Variants in DZIP3 observed in about 807,000 individuals in gnomAD.
The protein encoded by DZIP3 is DAZ interacting zinc finger protein 3.
A neutral mutation model predicts 162.0 loss-of-function variants in DZIP3; 118 were observed. That is an observed-to-expected ratio of 0.73 (90% CI 0.63 to 0.85). DZIP3 has a LOEUF of 0.85. Among genes scored for constraint, DZIP3 ranks in the 40% least tolerant of loss-of-function variants. The pLI, the probability that DZIP3 is intolerant of heterozygous loss-of-function variation, is 0.00. For missense variants in DZIP3, 1,331 were observed against 1,407.0 expected (o/e 0.95, Z 0.86); for synonymous variants, 438 against 458.6 (o/e 0.96, Z 0.57).
chr3:108,627,654 C>T (rs1232021161), intron 7 of DZIP3, among the ~76,000 whole-genome samples: 5 of 152,276 alleles, frequency 3.3e-5, no homozygotes, highest in African/African-American at 9.6e-5. Flanking sequence ...TCTTGAATTA[C>T]GGAAGAGTTT....
rs1944774087 is a variant in DZIP3, at chr3:108,693,376, T to C, written c.*23T>C. 6.6e-6 allele frequency: 1 copy of C among 152,132 alleles called. No individual in the cohort carries two copies. The highest frequency in any genetic ancestry group is 6.6e-5 in the Admixed American group (1 of 15,254). 9.4% of individuals were successfully genotyped at this position (152,132 alleles called of 1,614,324 possible). The stretch of plus-strand genomic sequence containing the variant: ...CTTAAATAGGTACCCATGAAGAGAT[T>C]ATGAACTACTTGAAGGTGGAGACTG... On this transcript the variant is annotated 3_prime_UTR_variant, in exon 33 of 33. Transcript: ENST00000361582.
intron 8 of DZIP3, among the ~76,000 whole-genome samples, chr3:108,631,047 A>ACTCTCTCTCTCTCTCT (rs1206915511): frequency 6.9e-5 from 5 of 72,486 alleles, no homozygotes; most frequent in African/African-American, 1.3e-4. Context: ...ACACACACAC[A>ACTCTCTCTCTCTCTCT]CACACACACT....
rs754883888 is a variant in DZIP3 at position 108,644,571 on chromosome 3, T to C, written c.1549T>C (p.Leu517=). Residue 517 remains leucine (L), a synonymous_variant, in exon 14 of 33, where the codon TTG becomes CTG. Coordinates refer to ENST00000361582, the MANE Select transcript of DZIP3 (RefSeq NM_014648.4). ...CAGGGATATCCTCCTTAGTGAGATT[T>C]TGATGAATGGTCTCACTGAGTCACA... ...KYRDILLSEI[L]MNGLTESQFN... 2.6e-5 allele frequency: 42 copies of C among 1,613,988 alleles called. No individual in the cohort carries two copies. The highest frequency in any genetic ancestry group is 2.5e-5 in the Non-Finnish European group (29 of 1,179,978).
intron 4 of DZIP3, among the ~76,000 whole-genome samples, chr3:108,615,782 G>A (rs1233261876): frequency 6.6e-6 from 1 of 152,174 alleles, no homozygotes; most frequent in Non-Finnish European, 1.5e-5. Flanking sequence ...TCAGATTGCA[G>A]CATAAAATGG....
intron 25 of DZIP3, 135 bp downstream of exon 25, chr3:108,676,008 G>C: frequency 1.4e-6 from 1 of 699,662 alleles, no homozygotes; most frequent in East Asian, 3.2e-5. Flanking sequence ...CCTTCACTTT[G>C]AGATTACTTC....
chr3:108,601,248 GGT>G (rs1220405920), intron 1 of DZIP3, among the ~76,000 whole-genome samples: 1 of 152,068 alleles, frequency 6.6e-6, no homozygotes, highest in Non-Finnish European at 1.5e-5. Flanking sequence ...ATGGGGCTGA[GGT>G]GTGTGGATGT....
intron 5 of DZIP3, among the ~76,000 whole-genome samples, chr3:108,622,836 GTCTCTCTCTCTCTCTCTC>G (rs368466391): frequency 1.8e-4 from 11 of 62,810 alleles, no homozygotes; most frequent in Non-Finnish European, 2.5e-4. Context: ...AACAAACAGA[GTCTCTCTCTCTCTCTCTC>G]TCTCTCTCTC....
At chr3:108,642,105 T>A (rs545118571) in intron 12 of DZIP3, among the ~76,000 whole-genome samples, 30 of 152,174 alleles carry the variant, frequency 2.0e-4, no homozygotes, top group Non-Finnish European at 4.0e-4. Flanking sequence ...AGATTTGCTA[T>A]TTTTTTGTTT....
chr3:108,645,163 T>C (rs531241329), intron 14 of DZIP3, among the ~76,000 whole-genome samples: 1 of 152,306 alleles, frequency 6.6e-6, no homozygotes, highest in South Asian at 2.1e-4. Flanking sequence ...GGAGAGTTCA[T>C]AGAGTACATT....
At chr3:108,596,832 C>T (rs777294874) in intron 1 of DZIP3, among the ~76,000 whole-genome samples, 36 of 152,112 alleles carry the variant, frequency 2.4e-4, no homozygotes, top group Non-Finnish European at 4.7e-4. Context: ...GGACATGAAG[C>T]CAAATCTAAA....
rs4401366 is a variant in DZIP3, at chr3:108,682,775, A to G, written c.2884-1441A>G. Among the ~76,000 whole-genome samples, 1,085 of 150,914 alleles carry G rather than the reference A, an allele frequency of 7.2e-3. 72 individuals are homozygous for G. Among genetic ancestry groups the G allele is most frequent in the African/African-American group, 0.026 (1,027 of 40,248 alleles). ...AGAGAGGATTTTGAATATTAGAACC[A>G]CAAAGAAATGACAAATGAAGTGATG... is the stretch of plus-strand genomic sequence containing the variant. On this transcript the variant is annotated intron_variant, in intron 26 of 32. Coordinates refer to ENST00000361582, the MANE Select transcript of DZIP3 (RefSeq NM_014648.4).
intron 19 of DZIP3, among the ~76,000 whole-genome samples, chr3:108,654,564 A>G (rs981810086): frequency 3.3e-5 from 5 of 152,194 alleles, no homozygotes; most frequent in Non-Finnish European, 7.4e-5. Context: ...AAAGTTGATT[A>G]CAAATGCATT....
At chr3:108,629,431 T>C (rs909500122) in intron 8 of DZIP3, among the ~76,000 whole-genome samples, 4 of 152,210 alleles carry the variant, frequency 2.6e-5, no homozygotes, top group African/African-American at 7.2e-5. Flanking sequence ...GAGTCAAATG[T>C]AGCTGTTAAC....
Position 108,684,289 on chromosome 3 carries a change from C to G in DZIP3, c.2957C>G (p.Pro986Arg). The G allele has an allele frequency of 6.2e-7, 1 of 1,613,456 alleles. No homozygotes were observed. Among genetic ancestry groups the G allele is most frequent in the Non-Finnish European group, 8.5e-7 (1 of 1,179,660 alleles). ...FRPILTVPQM[P>R]AVCPGVVSAT... Reference sequence around the variant, plus strand: ...CCCATACTTACTGTTCCTCAAATGCCTGCAGTTTGCCCGGGAGTCGTCTCT... The same window carrying G: ...CCCATACTTACTGTTCCTCAAATGCGTGCAGTTTGCCCGGGAGTCGTCTCT... The change falls in exon 27 of 33, where the codon CCT (proline) becomes CGT (arginine). Residue 986 changes from proline to arginine, a missense_variant. Physicochemically the swap from Pro to Arg is moderately radical, Grantham distance 103. This residue lies in a region of DZIP3 where 1,278 missense variants were observed against 1,317.1 expected (regional missense o/e 0.97). Transcript: ENST00000361582.
At chr3:108,667,289 A>G (rs1943723612) in intron 21 of DZIP3, among the ~76,000 whole-genome samples, 1 of 152,220 alleles carries the variant, frequency 6.6e-6, no homozygotes, top group Non-Finnish European at 1.5e-5. Flanking sequence ...TATAAAAGAC[A>G]TAAATTACTA....
chr3:108,590,873 A>G (rs1278481879), intron 1 of DZIP3, among the ~76,000 whole-genome samples: 2 of 152,210 alleles, frequency 1.3e-5, no homozygotes, highest in Non-Finnish European at 2.9e-5. Context: ...TTCATTGAGA[A>G]TCTACAATGT....
At chr3:108,646,552 C>T in intron 14 of DZIP3, 65 bp from the exon 15 acceptor site, 1 of 1,152,934 alleles carries the variant, frequency 8.7e-7, no homozygotes, top group Non-Finnish European at 1.3e-6. Context: ...TGCCTTAATC[C>T]TAGCCAGACA....
chr3:108,611,164 T>C lies in DZIP3; in HGVS notation c.103-10T>C, dbSNP rs1198719553. The stretch of plus-strand genomic sequence containing the variant: ...AACTGTGTAAATTTTTAATCAATAA[T>C]GTCTTCTAGAACAAACAGGAAAATG... On this transcript the variant is annotated splice_polypyrimidine_tract_variant and intron_variant, in intron 3 of 32. Coordinates refer to ENST00000361582, the MANE Select transcript of DZIP3 (RefSeq NM_014648.4). The C allele has an allele frequency of 1.3e-6, 2 of 1,566,824 alleles. No homozygotes were observed. Among genetic ancestry groups the C allele is most frequent in the African/African-American group, 1.4e-5 (1 of 72,038 alleles).
intron 1 of DZIP3, among the ~76,000 whole-genome samples, chr3:108,603,463 A>C (rs1174669197): frequency 6.6e-6 from 1 of 152,196 alleles, no homozygotes; most frequent in Non-Finnish European, 1.5e-5. Flanking sequence ...GTATTTGAAC[A>C]GAGAATACAA....
Sources: gnomAD v4.1 joint callset for allele counts (sites outside exome capture counted in the v4.1 genomes callset) on GRCh38, gnomAD v4.1.1 for gene constraint, gnomAD v4.1.1 regional missense constraint, MANE v1.5 for transcripts, NCBI Gene and HGNC (gene_info 2026-07-23, HGNC 2026-07-21) for gene names.